ITPK1: variants seen among roughly 807,000 people sequenced by gnomAD.
ITPK1 encodes the protein inositol 1,3,4-trisphosphate 5/6-kinase.
Under a neutral mutation model 45.3 loss-of-function variants are expected in ITPK1, and 21 were observed. The ratio of observed to expected loss-of-function variants is 0.46; its 90% CI spans 0.33 to 0.67. The LOEUF (loss-of-function observed/expected upper bound fraction) is 0.67. ITPK1 is among the 30% of genes least tolerant of loss of function. The pLI, the probability that ITPK1 is intolerant of heterozygous loss-of-function variation, is 0.02. For synonymous variants in ITPK1, 258 were observed against 253.6 expected, an observed-to-expected ratio of 1.02 and a Z score of -0.16; for missense variants, 474 against 573.5, an observed-to-expected ratio of 0.83 and a Z score of 1.77.
At chr14:92,945,091 C>T (rs535431672) in intron 10 of ITPK1, among the ~76,000 whole-genome samples, 63 of 152,242 alleles carry the variant, frequency 4.1e-4, no homozygotes, top group Non-Finnish European at 7.6e-4. Context: ...GCTGACCGCC[C>T]GCTCTGTCCT....
chr14:92,940,092 C>G lies in ITPK1; in HGVS notation c.*1469G>C. 2.0e-6 allele frequency: 2 copies of G among 985,852 alleles called. No homozygotes were observed. Among genetic ancestry groups the G allele is most frequent in the Non-Finnish European group, 2.4e-6 (2 of 830,048 alleles). The allele number at this position is 985,852 out of a possible 1,614,324, so 61.1% of individuals were successfully genotyped here. ...CCTCGCCCAAGCCCTGTGCCTCCCT[C>G]CTCAAAGTGGGCATCCTGCAGCCCA... On this transcript the variant is annotated 3_prime_UTR_variant, in exon 11 of 11. Transcript: ENST00000267615.
At chr14:93,099,311 C>CA (rs951665393) in intron 2 of ITPK1, among the ~76,000 whole-genome samples, 34 of 152,224 alleles carry the variant, frequency 2.2e-4, no homozygotes, top group African/African-American at 7.9e-4. Context: ...CAGGATCCAG[C>CA]AAAAAGACAC....
intron 4 of ITPK1, among the ~76,000 whole-genome samples, chr14:93,003,185 C>G (rs947022114): frequency 5.3e-5 from 8 of 152,078 alleles, no homozygotes; most frequent in African/African-American, 1.9e-4. Context: ...GTTGTACTTT[C>G]GAAGGCAGAA....
intron 5 of ITPK1, among the ~76,000 whole-genome samples, chr14:92,978,086 C>G (rs188790547): frequency 4.5e-4 from 69 of 152,060 alleles, no homozygotes; most frequent in Admixed American, 3.1e-3. Flanking sequence ...CTGAGTAGGT[C>G]TCAGATGGAG....
intron 4 of ITPK1, among the ~76,000 whole-genome samples, chr14:93,002,085 G>A (rs1414039768): frequency 6.6e-6 from 1 of 152,200 alleles, no homozygotes; most frequent in African/African-American, 2.4e-5. Context: ...CAGGTGTGGT[G>A]GCTCACGTCT....
chr14:92,946,236 G>T lies in ITPK1; in HGVS notation c.901+95C>A, dbSNP rs568801050. 1.7e-5 allele frequency: 24 copies of T among 1,417,658 alleles called. No homozygotes were observed. The South Asian group carries it at 2.7e-4, about 16-fold the overall frequency. 87.8% of individuals were successfully genotyped at this position (1,417,658 alleles called of 1,614,324 possible). On this transcript the variant is annotated intron_variant, in intron 10 of 10. Coordinates refer to ENST00000267615, the MANE Select transcript of ITPK1 (RefSeq NM_014216.6). ...GGACCTCGTGGTGAGGGAGAAAGCTGGCTTTCTGGCCTCAGTCACCCCGCC... is the reference window on the plus strand; with the variant it reads ...GGACCTCGTGGTGAGGGAGAAAGCTTGCTTTCTGGCCTCAGTCACCCCGCC...
intron 2 of ITPK1, among the ~76,000 whole-genome samples, chr14:93,096,673 T>C (rs1282083309): frequency 6.6e-6 from 1 of 152,182 alleles, no homozygotes; most frequent in African/African-American, 2.4e-5. Context: ...TGGCTGCAGA[T>C]TCACCGCTGG....
At chr14:92,952,569 T>C (rs1344747006) in intron 8 of ITPK1, among the ~76,000 whole-genome samples, 1 of 152,164 alleles carries the variant, frequency 6.6e-6, no homozygotes, top group African/African-American at 2.4e-5. Context: ...GAATGTAGGC[T>C]TCCACAGGAT....
intron 5 of ITPK1, among the ~76,000 whole-genome samples, chr14:92,992,178 G>C (rs1370746476): frequency 6.6e-6 from 1 of 152,198 alleles, no homozygotes; most frequent in African/African-American, 2.4e-5. Flanking sequence ...GTGGCTGCTG[G>C]TCTGCCACCT....
chr14:92,948,140 G>T (rs1168186806), intron 9 of ITPK1, among the ~76,000 whole-genome samples: 3 of 152,100 alleles, frequency 2.0e-5, no homozygotes, highest in Non-Finnish European at 4.4e-5. Flanking sequence ...TCTAGGACAG[G>T]TAACGCCACA....
chr14:93,070,557 A>G (rs1890953606), intron 3 of ITPK1: 1 of 152,302 alleles, frequency 6.6e-6, no homozygotes, highest in African/African-American at 2.4e-5. Flanking sequence ...AAGCACAAGG[A>G]CCTAGGAACT....
chr14:93,055,782 A>C (rs534923433), intron 3 of ITPK1, among the ~76,000 whole-genome samples: 1 of 152,024 alleles, frequency 6.6e-6, no homozygotes, highest in Admixed American at 6.5e-5. Flanking sequence ...GGTCCCTACC[A>C]CTCCCCGGGC....
At chr14:92,955,710 C>T (rs888793197) in intron 8 of ITPK1, among the ~76,000 whole-genome samples, 1 of 152,240 alleles carries the variant, frequency 6.6e-6, no homozygotes, top group South Asian at 2.1e-4. Context: ...AGGAGACTGG[C>T]AGTTGTCGAG....
intron 3 of ITPK1, chr14:93,068,353 C>T (rs577946007): frequency 1.3e-5 from 2 of 152,434 alleles, no homozygotes; most frequent in East Asian, 1.9e-4. Context: ...AGCCAGCCCC[C>T]CAAGCCCGTG....
intron 7 of ITPK1, among the ~76,000 whole-genome samples, chr14:92,959,122 G>A (rs986900178): frequency 7.2e-5 from 11 of 151,906 alleles, no homozygotes; most frequent in Admixed American, 2.0e-4. Flanking sequence ...AGGAGGATCT[G>A]GTAGGGGCTG....
intron 4 of ITPK1, 124 bp from the exon 5 acceptor site, chr14:92,994,121 T>TG: frequency 1.5e-6 from 1 of 669,970 alleles, no homozygotes; most frequent in African/African-American, 1.8e-5. Flanking sequence ...TGGTGGAGGG[T>TG]GGTGCATTCC....
At chr14:93,090,735 G>C (rs543291309) in intron 2 of ITPK1, among the ~76,000 whole-genome samples, 1 of 152,278 alleles carries the variant, frequency 6.6e-6, no homozygotes, top group South Asian at 2.1e-4. Flanking sequence ...CTATTCCTGT[G>C]CCAGTTTGGT....
intron 5 of ITPK1, among the ~76,000 whole-genome samples, chr14:92,974,898 G>T (rs532682003): frequency 2.6e-5 from 4 of 152,374 alleles, no homozygotes; most frequent in East Asian, 3.9e-4. Flanking sequence ...AGGAGCGGGG[G>T]TGTGAGAGAA....
At chr14:93,031,266 G>A (rs1255920103) in intron 3 of ITPK1, among the ~76,000 whole-genome samples, 1 of 152,096 alleles carries the variant, frequency 6.6e-6, no homozygotes, top group African/African-American at 2.4e-5. Context: ...CAGCGTGGGT[G>A]CAGGGGACGG....
Sources: allele counts gnomAD v4.1 joint callset (sites outside exome capture counted in the v4.1 genomes callset), GRCh38; gene constraint gnomAD v4.1.1; transcripts MANE v1.5; gene names NCBI Gene and HGNC (gene_info 2026-07-23, HGNC 2026-07-21).